Variants in NOL4L observed in about 807,000 individuals in gnomAD.
NOL4L encodes nucleolar protein 4 like.
In NOL4L, 7 loss-of-function variants were observed where a neutral mutation model predicts 64.5. That is an observed-to-expected ratio of 0.11 (90% CI 0.06 to 0.20). The LOEUF (loss-of-function observed/expected upper bound fraction) is 0.20, where lower values mean the gene tolerates loss of function less well. Among genes scored for constraint, NOL4L ranks in the 10% least tolerant of loss-of-function variants. The pLI, the probability that NOL4L is intolerant of heterozygous loss-of-function variation, is 1.00. For missense variants in NOL4L, 680 were observed against 967.1 expected, an observed-to-expected ratio of 0.70 and a Z score of 3.94; for synonymous variants, 413 against 401.0, an observed-to-expected ratio of 1.03 and a Z score of -0.36.
chr20:32,455,476 G>A (rs140543213), intron 6 of NOL4L, among the ~76,000 whole-genome samples: 2 of 152,340 alleles, frequency 1.3e-5, no homozygotes, highest in African/African-American at 4.8e-5. Context: ...GTCCAGAGGT[G>A]TAAGCTCCAG....
intron 1 of NOL4L, among the ~76,000 whole-genome samples, chr20:32,547,264 GAGACC>G (rs935548803): frequency 6.6e-6 from 1 of 152,128 alleles, no homozygotes; most frequent in African/African-American, 2.4e-5. Context: ...ACCTGAGCTA[GAGACC>G]AGCCCGGGCA....
At chr20:32,457,500 T>A (rs1233009978) in intron 5 of NOL4L, among the ~76,000 whole-genome samples, 1 of 143,858 alleles carries the variant, frequency 7.0e-6, no homozygotes, top group East Asian at 2.2e-4. Flanking sequence ...GAAGATTTAG[T>A]CCCCGGTGCT....
At chr20:32,569,931 C>A (rs117013978) in intron 1 of NOL4L, among the ~76,000 whole-genome samples, 133 of 152,258 alleles carry the variant, frequency 8.7e-4, no homozygotes, top group Middle Eastern at 3.4e-3. Context: ...TGCCTGCAGC[C>A]CTGTATCATT....
At chr20:32,553,498 T>C (rs1161300668) in intron 1 of NOL4L, among the ~76,000 whole-genome samples, 1 of 152,168 alleles carries the variant, frequency 6.6e-6, no homozygotes, top group Non-Finnish European at 1.5e-5. Flanking sequence ...CCATGTCTCC[T>C]TGGGAACAGG....
chr20:32,576,424 C>T (rs1244926660), intron 1 of NOL4L, among the ~76,000 whole-genome samples: 1 of 152,156 alleles, frequency 6.6e-6, no homozygotes, highest in Non-Finnish European at 1.5e-5. Context: ...TCGGAAGTGA[C>T]TCTCAGGTGT....
intron 4 of NOL4L, among the ~76,000 whole-genome samples, chr20:32,495,480 C>T (rs1007923947): frequency 2.0e-5 from 3 of 152,202 alleles, no homozygotes; most frequent in African/African-American, 4.8e-5. Flanking sequence ...GGTAGGTAGG[C>T]GGGCTCTGGG....
chr20:32,479,808 A>G (rs1284312851), intron 4 of NOL4L, among the ~76,000 whole-genome samples: 3 of 152,272 alleles, frequency 2.0e-5, no homozygotes, highest in African/African-American at 7.2e-5. Context: ...TTAGGCAGGC[A>G]GATGGGTAGC....
At chr20:32,521,639 G>A (rs2017938194) in intron 2 of NOL4L, among the ~76,000 whole-genome samples, 1 of 152,182 alleles carries the variant, frequency 6.6e-6, no homozygotes, top group Non-Finnish European at 1.5e-5. Flanking sequence ...GAGGGCTGGG[G>A]GAGAGACACA....
intron 1 of NOL4L, among the ~76,000 whole-genome samples, chr20:32,539,375 G>A (rs2018614262): frequency 6.6e-6 from 1 of 152,188 alleles, no homozygotes; most frequent in Non-Finnish European, 1.5e-5. Flanking sequence ...GGCATGACGT[G>A]AGAGAACCTG....
chr20:32,551,784 C>G (rs1173615278), intron 1 of NOL4L, among the ~76,000 whole-genome samples: 2 of 151,900 alleles, frequency 1.3e-5, no homozygotes, highest in Admixed American at 6.6e-5. Flanking sequence ...AGTCACTTAA[C>G]TGTATTTATT....
intron 1 of NOL4L, among the ~76,000 whole-genome samples, chr20:32,545,870 T>C (rs2018725136): frequency 8.7e-6 from 1 of 115,454 alleles, no homozygotes; most frequent in Middle Eastern, 4.3e-3. Flanking sequence ...ATTGCCATTA[T>C]TCTTGTGTCC....
At position 32,475,677 on chromosome 20, in the gene NOL4L, A is replaced by T. The variant is rs577036445; in HGVS notation, c.700-935T>A. On this transcript the variant is annotated intron_variant, in intron 4 of 10. Coordinates refer to ENST00000621426, the MANE Select transcript of NOL4L (RefSeq NM_001256798.2). ...CAAGAAAGATGACCCAGCAGCTCCC[A>T]CACCCGGAGTTCTGGCCTCCCCCCA... Among the ~76,000 whole-genome samples the T allele has an allele frequency of 5.3e-5, 8 of 152,332 alleles. No individual in the cohort carries two copies. The East Asian group carries it at 1.5e-3, about 29-fold the overall frequency.
intron 3 of NOL4L, among the ~76,000 whole-genome samples, chr20:32,512,361 C>T (rs1418200174): frequency 1.3e-5 from 2 of 152,172 alleles, no homozygotes; most frequent in Non-Finnish European, 2.9e-5. Context: ...AATCCCGCCA[C>T]CCCATAGCAT....
At chr20:32,530,495 C>T (rs1467522665) in intron 1 of NOL4L, among the ~76,000 whole-genome samples, 10 of 151,458 alleles carry the variant, frequency 6.6e-5, no homozygotes, top group East Asian at 1.9e-4. Flanking sequence ...GAGCCGAGAT[C>T]GCGCCACCGC....
In NOL4L at chr20:32,445,465, A is replaced by G. The variant is rs535891137; in HGVS notation, c.*2131T>C. The G allele has an allele frequency of 6.7e-6, 1 of 148,168 alleles. No homozygotes were observed. The highest frequency in any genetic ancestry group is 1.9e-4 in the East Asian group (1 of 5,194). The allele number at this position is 148,168 out of a possible 1,614,324, so 9.2% of individuals were successfully genotyped here. A position where few individuals can be genotyped will look rare whatever the true frequency, so the allele number is the denominator to read the frequency against. ...GCGATTGTCTCTGCCAGGTTTTAAC[A>G]TTAAGATTTTCACAAATAATTGCCT... On this transcript the variant is annotated 3_prime_UTR_variant, in exon 11 of 11. Transcript: ENST00000621426.
intron 4 of NOL4L, among the ~76,000 whole-genome samples, chr20:32,479,785 G>A (rs1391328677): frequency 6.6e-6 from 1 of 152,228 alleles, no homozygotes; most frequent in Non-Finnish European, 1.5e-5. Context: ...CTTCTGAAAA[G>A]GGAACTTAAG....
Position 32,447,283 on chromosome 20 carries a change from A to T in NOL4L, c.*313T>A. 3.5e-6 allele frequency: 2 copies of T among 571,972 alleles called. No individual in the cohort carries two copies. The highest frequency in any genetic ancestry group is 3.0e-5 in the South Asian group (2 of 65,648). 35.4% of individuals were successfully genotyped at this position (571,972 alleles called of 1,614,324 possible). ...GGGTGGGATTCTAACATCAGGGTCC[A>T]CGAAGGTGATTCTAAACAGAGCTGC... On this transcript the variant is annotated 3_prime_UTR_variant, in exon 11 of 11. Transcript: ENST00000621426.
chr20:32,566,652 G>A (rs189947828), intron 1 of NOL4L, among the ~76,000 whole-genome samples: 4 of 152,162 alleles, frequency 2.6e-5, no homozygotes, highest in East Asian at 3.9e-4. Flanking sequence ...CCCAATTCCC[G>A]TATAATTTGC....
chr20:32,498,274 T>C (rs1294173809), intron 4 of NOL4L, among the ~76,000 whole-genome samples: 1 of 152,162 alleles, frequency 6.6e-6, no homozygotes, highest in Non-Finnish European at 1.5e-5. Context: ...ACAGAGGAAA[T>C]GCTCATTTTC....
Sources: gnomAD v4.1 joint callset for allele counts (sites outside exome capture counted in the v4.1 genomes callset) on GRCh38, gnomAD v4.1.1 for gene constraint, MANE v1.5 for transcripts, NCBI Gene and HGNC (gene_info 2026-07-23, HGNC 2026-07-21) for gene names.